RSBN1L: variants seen among roughly 807,000 people sequenced by gnomAD.
The protein encoded by RSBN1L is round spermatid basic protein 1 like, also known as lysine-specific demethylase RSBN1L.
In RSBN1L, 30 loss-of-function variants were observed where a neutral mutation model predicts 67.7. The ratio of observed to expected loss-of-function variants is 0.44; its 90% CI spans 0.33 to 0.60. The LOEUF (loss-of-function observed/expected upper bound fraction) is 0.60, where lower values mean the gene tolerates loss of function less well. Among genes scored for constraint, RSBN1L ranks in the 20% least tolerant of loss-of-function variants. The pLI, the probability that RSBN1L is intolerant of heterozygous loss-of-function variation, is 0.02. For missense variants in RSBN1L, 992 were observed against 1,031.7 expected, an observed-to-expected ratio of 0.96 and a Z score of 0.53; for synonymous variants, 433 against 387.0, an observed-to-expected ratio of 1.12 and a Z score of -1.39.
At chr7:77,722,145 A>T (rs989032074) in intron 1 of RSBN1L, among the ~76,000 whole-genome samples, 1 of 152,006 alleles carries the variant, frequency 6.6e-6, no homozygotes, top group African/African-American at 2.4e-5. Flanking sequence ...TTGGAAGGAG[A>T]ACTTGAACTT....
chr7:77,703,822 C>G (rs1043638622), intron 1 of RSBN1L, among the ~76,000 whole-genome samples: 3 of 152,172 alleles, frequency 2.0e-5, no homozygotes, highest in African/African-American at 7.2e-5. Flanking sequence ...AGGAATCTTG[C>G]TCTGTTGCCC....
intron 2 of RSBN1L, among the ~76,000 whole-genome samples, chr7:77,745,321 G>T (rs1791468223): frequency 6.6e-6 from 1 of 151,886 alleles, no homozygotes; most frequent in Non-Finnish European, 1.5e-5. Context: ...TAAGCCTCAG[G>T]TAGTCTGTTA....
intron 1 of RSBN1L, among the ~76,000 whole-genome samples, chr7:77,698,169 AAT>A (rs1339145343): frequency 6.6e-6 from 1 of 152,260 alleles, no homozygotes; most frequent in Non-Finnish European, 1.5e-5. Flanking sequence ...TGCATGTAGC[AAT>A]AGTGTCACTT....
At chr7:77,735,026 CT>C (rs758861505) in intron 1 of RSBN1L, among the ~76,000 whole-genome samples, 5 of 149,152 alleles carry the variant, frequency 3.4e-5, no homozygotes, top group Admixed American at 6.7e-5. Context: ...GTTTGCTGTA[CT>C]TTCGTATGCT....
rs556137062 is a variant in RSBN1L, at chr7:77,753,751, G to C, written c.1344+3687G>C. 1.1e-4 allele frequency among the ~76,000 whole-genome samples: 16 copies of C among 152,146 alleles called. No individual in the cohort carries two copies. In the East Asian group the frequency reaches 3.1e-3, roughly 29 times the overall value. On this transcript the variant is annotated intron_variant, in intron 3 of 7. Coordinates refer to ENST00000334955, the MANE Select transcript of RSBN1L (RefSeq NM_198467.3). Reference sequence around the variant, plus strand: ...AACTTTTATTGTTTTACCTTTCATGGTTAAATCTATAGTTAATAAAACAGC... The same window carrying C: ...AACTTTTATTGTTTTACCTTTCATGCTTAAATCTATAGTTAATAAAACAGC...
At chr7:77,709,829 T>A (rs1790949458) in intron 1 of RSBN1L, among the ~76,000 whole-genome samples, 1 of 152,228 alleles carries the variant, frequency 6.6e-6, no homozygotes. Context: ...TTTAACTTAG[T>A]CCATTTTTAA....
chr7:77,762,716 A>G (rs971484540), intron 3 of RSBN1L, among the ~76,000 whole-genome samples: 1 of 152,152 alleles, frequency 6.6e-6, no homozygotes, highest in African/African-American at 2.4e-5. Flanking sequence ...GTTTTTACTC[A>G]CATTTAAATA....
intron 1 of RSBN1L, among the ~76,000 whole-genome samples, chr7:77,699,714 C>G (rs1790789135): frequency 6.6e-6 from 1 of 152,074 alleles, no homozygotes; most frequent in African/African-American, 2.4e-5. Context: ...AATCATAGTA[C>G]TGTAGCTGAC....
At chr7:77,758,554 G>A (rs1399479236) in intron 3 of RSBN1L, among the ~76,000 whole-genome samples, 2 of 152,128 alleles carry the variant, frequency 1.3e-5, no homozygotes, top group South Asian at 4.1e-4. Context: ...TAGTCACCCT[G>A]TTGTGCAGTG....
chr7:77,743,926 A>C (rs767113590), intron 2 of RSBN1L, among the ~76,000 whole-genome samples: 1 of 151,864 alleles, frequency 6.6e-6, no homozygotes. Context: ...AGGTCTCTCT[A>C]TGTTCCCCAA....
In RSBN1L at chr7:77,778,774, C is replaced by T. The variant is rs757943194; in HGVS notation, c.2147C>T (p.Ser716Leu). 7 of 1,614,158 alleles carry T rather than the reference C, an allele frequency of 4.3e-6. No homozygotes were observed. Among genetic ancestry groups the T allele is most frequent in the Non-Finnish European group, 5.9e-6 (7 of 1,180,020 alleles). ...HETGTSSDST[S>L]SVLGPHTDNM... ...ACAGGCACATCATCAGATTCCACATCATCTGTTCTTGGACCTCACACTGAC... is the reference window on the plus strand; with the variant it reads ...ACAGGCACATCATCAGATTCCACATTATCTGTTCTTGGACCTCACACTGAC... Residue 716 changes from serine to leucine, a missense_variant, in exon 8 of 8, where the codon TCA becomes TTA. Transcript: ENST00000334955.
rs1210821795 is a variant in RSBN1L, at chr7:77,782,993, A to G, written c.*3825A>G. On this transcript the variant is annotated 3_prime_UTR_variant, in exon 8 of 8. Transcript: ENST00000334955. ...AGAGATATTTTCCTTGTCTTCCATC[A>G]TTCAATAAATACTAAAATTGATAAC... 1 of 152,216 alleles carries G rather than the reference A, an allele frequency of 6.6e-6. No individual in the cohort carries two copies. The highest frequency in any genetic ancestry group is 1.5e-5 in the Non-Finnish European group (1 of 68,018). 9.4% of individuals were successfully genotyped at this position (152,216 alleles called of 1,614,324 possible).
intron 4 of RSBN1L, among the ~76,000 whole-genome samples, chr7:77,767,341 A>G (rs1791782223): frequency 1.3e-5 from 2 of 150,678 alleles, no homozygotes; most frequent in Non-Finnish European, 3.0e-5. Flanking sequence ...AGTGGCCCTC[A>G]GTTTCCTTCT....
chr7:77,708,311 C>G (rs528562090), intron 1 of RSBN1L, among the ~76,000 whole-genome samples: 32 of 151,256 alleles, frequency 2.1e-4, no homozygotes, highest in Non-Finnish European at 4.4e-4. Context: ...TGCTTTTGTA[C>G]GGAATTGGAA....
At chr7:77,740,176 A>G (rs1441695790) in intron 2 of RSBN1L, among the ~76,000 whole-genome samples, 1 of 152,224 alleles carries the variant, frequency 6.6e-6, no homozygotes, top group Admixed American at 6.5e-5. Context: ...TCTTTTCAAA[A>G]TAGTTTAAAG....
intron 1 of RSBN1L, among the ~76,000 whole-genome samples, chr7:77,729,962 A>T (rs964134052): frequency 6.6e-6 from 1 of 152,142 alleles, no homozygotes; most frequent in Non-Finnish European, 1.5e-5. Context: ...TCAAAAAAAC[A>T]ATTATTTTAA....
At chr7:77,708,753 A>G (rs1477246469) in intron 1 of RSBN1L, among the ~76,000 whole-genome samples, 3 of 152,152 alleles carry the variant, frequency 2.0e-5, no homozygotes, top group African/African-American at 7.2e-5. Context: ...TCAAATTGGT[A>G]TTTTAGCAGT....
chr7:77,717,458 T>G (rs1257014995), intron 1 of RSBN1L, among the ~76,000 whole-genome samples: 1 of 152,216 alleles, frequency 6.6e-6, no homozygotes, highest in African/African-American at 2.4e-5. Flanking sequence ...ACAATTGTAA[T>G]CAGAAACAGA....
At chr7:77,755,692 A>C (rs1012545218) in intron 3 of RSBN1L, among the ~76,000 whole-genome samples, 1 of 151,704 alleles carries the variant, frequency 6.6e-6, no homozygotes, top group African/African-American at 2.4e-5. Context: ...CAAAAAACAA[A>C]CAACCTCTGA....
Sources: allele counts gnomAD v4.1 joint callset (sites outside exome capture counted in the v4.1 genomes callset), GRCh38; gene constraint gnomAD v4.1.1; transcripts MANE v1.5; gene names NCBI Gene and HGNC (gene_info 2026-07-23, HGNC 2026-07-21).